USP40: variants seen among roughly 807,000 people sequenced by gnomAD.
USP40 encodes the protein ubiquitin carboxyl-terminal hydrolase 40.
USP40 carries 143 observed loss-of-function variants against 166.2 expected under a neutral mutation model. The ratio of observed to expected loss-of-function variants is 0.86; its 90% CI spans 0.75 to 0.99. The LOEUF (loss-of-function observed/expected upper bound fraction) is 0.99. USP40 is among the 50% of genes least tolerant of loss of function. USP40 has a pLI of 0.00. For synonymous variants in USP40, 498 were observed against 524.0 expected (o/e 0.95, Z 0.68); for missense variants, 1,444 against 1,479.7 (o/e 0.98, Z 0.40).
chr2:233,479,660 TCTGA>T (rs987658429), intron 31 of USP40, among the ~76,000 whole-genome samples: 3 of 151,338 alleles, frequency 2.0e-5, no homozygotes, highest in Non-Finnish European at 4.4e-5. Flanking sequence ...TGTGTGTGTG[TCTGA>T]CCTTTAAACA....
At chr2:233,556,305 A>C (rs1246480170) in intron 5 of USP40, among the ~76,000 whole-genome samples, 2 of 152,112 alleles carry the variant, frequency 1.3e-5, no homozygotes, top group African/African-American at 4.8e-5. Context: ...ATTTCCAATT[A>C]GATTAAATGG....
At position 233,517,781 on chromosome 2, in the gene USP40, G is replaced by GGTGTGT. The variant is rs111938537; in HGVS notation, c.2383+1827_2383+1832dup. ...ATCAATGAGTGGATAAAGAAACTGT[G>GGTGTGT]GTGTGTGTGTGTGTGTGTGTGTGTG... On this transcript the variant is annotated intron_variant, in intron 18 of 31. Coordinates refer to ENST00000678225, the MANE Select transcript of USP40 (RefSeq NM_001365479.2). Among the ~76,000 whole-genome samples the GGTGTGT allele has an allele frequency of 1.6e-3, 221 of 142,242 alleles. 1 individual carries two copies. The highest frequency in any genetic ancestry group is 3.0e-3 in the East Asian group (14 of 4,728). The allele number at this position is 142,242 out of a possible 152,430, so 93.3% of individuals were successfully genotyped here.
At chr2:233,479,750 G>C (rs1488902965) in intron 31 of USP40, among the ~76,000 whole-genome samples, 1 of 151,986 alleles carries the variant, frequency 6.6e-6, no homozygotes, top group East Asian at 1.9e-4. Context: ...GGACCTGAGG[G>C]CTGCAGAGCT....
At chr2:233,528,939 A>G (rs2068271577) in intron 12 of USP40, among the ~76,000 whole-genome samples, 1 of 152,190 alleles carries the variant, frequency 6.6e-6, no homozygotes, top group African/African-American at 2.4e-5. Flanking sequence ...TTAAGTAAGA[A>G]TCCATCATAG....
intron 24 of USP40, among the ~76,000 whole-genome samples, chr2:233,495,343 A>C (rs2065684628): frequency 6.6e-6 from 1 of 151,648 alleles, no homozygotes; most frequent in Non-Finnish European, 1.5e-5. Flanking sequence ...TAGTCTTCAC[A>C]TTGTCATTGT....
chr2:233,487,868 T>C (rs1018287241), intron 28 of USP40: 16 of 491,816 alleles, frequency 3.3e-5, no homozygotes, highest in Non-Finnish European at 6.2e-5. Context: ...GATACTAGGA[T>C]GAAGAAAGTA....
At chr2:233,557,326 G>A (rs2071184111) in intron 4 of USP40, among the ~76,000 whole-genome samples, 1 of 152,172 alleles carries the variant, frequency 6.6e-6, no homozygotes, top group Non-Finnish European at 1.5e-5. Flanking sequence ...AAGCAGAGAG[G>A]GATATACCAG....
Position 233,477,515 on chromosome 2 carries a change from CAG to C in USP40, c.3600-14_3600-13del, listed in dbSNP as rs761315180. The C allele has an allele frequency of 1.9e-6, 3 of 1,609,144 alleles. No individual in the cohort carries two copies. The highest frequency in any genetic ancestry group is 1.7e-6 in the Non-Finnish European group (2 of 1,177,056). Reference sequence around the variant, plus strand: ...GGAGGGCTTCTTGGCTGCAGAGACACAGACACTGTCATTGACTCATGGATGCA... The same window carrying C: ...GGAGGGCTTCTTGGCTGCAGAGACACACACTGTCATTGACTCATGGATGCA... On this transcript the variant is annotated splice_polypyrimidine_tract_variant and intron_variant, in intron 31 of 31. Transcript: ENST00000678225.
chr2:233,485,457 A>C, intron 30 of USP40, 74 bp downstream of exon 30: 2 of 1,164,144 alleles, frequency 1.7e-6, no homozygotes, highest in Admixed American at 4.4e-5. Context: ...TTGAAGATTC[A>C]ATAAAACGTC....
intron 16 of USP40, 111 bp downstream of exon 16, chr2:233,523,059 A>C (rs2067764342): frequency 8.4e-7 from 1 of 1,183,556 alleles, no homozygotes; most frequent in African/African-American, 1.5e-5. Flanking sequence ...AATGTCTAGA[A>C]ATAAAGAAAC....
Position 233,476,991 on chromosome 2 carries a change from G to C in USP40, c.*401C>G. 1 of 331,784 alleles carries C rather than the reference G, an allele frequency of 3.0e-6. No individual in the cohort carries two copies. Among genetic ancestry groups the C allele is most frequent in the East Asian group, 8.3e-5 (1 of 12,034 alleles). 20.6% of individuals were successfully genotyped at this position (331,784 alleles called of 1,614,324 possible). A position where few individuals can be genotyped will look rare whatever the true frequency, so the allele number is the denominator to read the frequency against. On this transcript the variant is annotated 3_prime_UTR_variant, in exon 32 of 32. Transcript: ENST00000678225. ...CGGTCAGGGCGAACGAGAGTCATCTGAACACGGAGGAAAGTGGCTGGCCTG... is the reference window on the plus strand; with the variant it reads ...CGGTCAGGGCGAACGAGAGTCATCTCAACACGGAGGAAAGTGGCTGGCCTG...
intron 3 of USP40, 100 bp from the exon 4 acceptor site, chr2:233,560,024 T>C (rs2071433137): frequency 8.7e-6 from 6 of 688,494 alleles, no homozygotes; most frequent in Non-Finnish European, 1.4e-5. Context: ...TCCCAGTTCA[T>C]TCAGGAGAAA....
Position 233,555,246 on chromosome 2 carries a change from A to C in USP40, c.547-720T>G, listed in dbSNP as rs117516957. Among the ~76,000 whole-genome samples, 965 of 152,338 alleles carry C rather than the reference A, an allele frequency of 6.3e-3. 22 individuals carry two copies. In the East Asian group the frequency reaches 0.083, roughly 13 times the overall value. The stretch of plus-strand genomic sequence containing the variant: ...AAGAAGGTCTTCCTATGAAAATCCA[A>C]GAGAATAGTCTGTAAAAAGAGGGTT... On this transcript the variant is annotated intron_variant, in intron 5 of 31. Transcript: ENST00000678225.
In USP40 at chr2:233,540,779, G is replaced by A. The variant is rs1386435751; in HGVS notation, c.1063-10C>T. The stretch of plus-strand genomic sequence containing the variant: ...TTAGATTATTCTCCTCCTTATGAGA[G>A]AAACACAGTCACTCAAGAAAATCTG... On this transcript the variant is annotated splice_polypyrimidine_tract_variant and intron_variant, in intron 9 of 31. Transcript: ENST00000678225. The A allele has an allele frequency of 6.3e-7, 1 of 1,596,716 alleles. No individual in the cohort carries two copies. Among genetic ancestry groups the A allele is most frequent in the Non-Finnish European group, 8.6e-7 (1 of 1,166,070 alleles).
Position 233,516,930 on chromosome 2 carries a change from GTCT to G in USP40, c.2383+2681_2383+2683del, listed in dbSNP as rs2067240440. Among the ~76,000 whole-genome samples, 2 of 151,392 alleles carry G rather than the reference GTCT, an allele frequency of 1.3e-5. 1 individual carries two copies. The highest frequency in any genetic ancestry group is 4.2e-4 in the South Asian group (2 of 4,802). On this transcript the variant is annotated intron_variant, in intron 18 of 31. Coordinates refer to ENST00000678225, the MANE Select transcript of USP40 (RefSeq NM_001365479.2). ...GTTGTATATTGCTTTATTTATTCAGGTCTTCTTAAATATCTCACAGCAGTATTT... is the reference window on the plus strand; with the variant it reads ...GTTGTATATTGCTTTATTTATTCAGGTCTTAAATATCTCACAGCAGTATTT...
At chr2:233,477,968 A>C (rs1207267270) in intron 31 of USP40, among the ~76,000 whole-genome samples, 4 of 151,164 alleles carry the variant, frequency 2.6e-5, no homozygotes, top group African/African-American at 9.7e-5. Flanking sequence ...TTTCGCTGTG[A>C]CCCCCCCGGC....
intron 26 of USP40, among the ~76,000 whole-genome samples, chr2:233,490,807 A>T (rs1330597571): frequency 2.6e-5 from 4 of 152,260 alleles, no homozygotes; most frequent in African/African-American, 9.6e-5. Flanking sequence ...AACATTTAAC[A>T]TATGGGTCAC....
intron 8 of USP40, among the ~76,000 whole-genome samples, chr2:233,543,550 A>C (rs1437275345): frequency 6.6e-6 from 1 of 152,212 alleles, no homozygotes; most frequent in East Asian, 1.9e-4. Context: ...GGTCTTCAGG[A>C]GATAATTAGG....
At chr2:233,524,966 T>C (rs2067913846) in intron 14 of USP40, among the ~76,000 whole-genome samples, 1 of 152,250 alleles carries the variant, frequency 6.6e-6, no homozygotes, top group African/African-American at 2.4e-5. Flanking sequence ...TCAAGTGAGA[T>C]AATTAACATA....
Sources: gnomAD v4.1 joint callset for allele counts (sites outside exome capture counted in the v4.1 genomes callset) on GRCh38, gnomAD v4.1.1 for gene constraint, MANE v1.5 for transcripts, NCBI Gene and HGNC (gene_info 2026-07-23, HGNC 2026-07-21) for gene names.